Variants in RHCE observed in about 807,000 individuals in gnomAD.
RHCE encodes Rh blood group CcEe antigens.
Under a neutral mutation model 43.8 loss-of-function variants are expected in RHCE, and 22 were observed. The ratio of observed to expected loss-of-function variants is 0.50; its 90% CI spans 0.36 to 0.72. The LOEUF is 0.72. RHCE is among the 30% of genes least tolerant of loss of function. The pLI, the probability that RHCE is intolerant of heterozygous loss-of-function variation, is 0.00. For missense variants in RHCE, 385 were observed against 525.4 expected, an observed-to-expected ratio of 0.73 and a Z score of 2.61; for synonymous variants, 156 against 210.7, an observed-to-expected ratio of 0.74 and a Z score of 2.25.
intron 7 of RHCE, among the ~76,000 whole-genome samples, chr1:25,378,332 A>G (rs1186005924): frequency 1.3e-5 from 2 of 152,242 alleles, no homozygotes; most frequent in Non-Finnish European, 2.9e-5. Context: ...ACAGAAGTGC[A>G]TTCGTGTGCT....
upstream of RHCE, among the ~76,000 whole-genome samples, chr1:25,424,239 T>G (rs1000081734): frequency 2.6e-4 from 39 of 152,220 alleles, no homozygotes; most frequent in African/African-American, 8.0e-4. Flanking sequence ...ATTTTTGACT[T>G]ACAATATTTC....
chr1:25,393,687 C>A (rs1646451103), intron 3 of RHCE, among the ~76,000 whole-genome samples: 1 of 151,886 alleles, frequency 6.6e-6, no homozygotes, highest in African/African-American at 2.4e-5. Context: ...TCCAGCGGCT[C>A]CCATGTCACT....
chr1:25,382,931 T>A (rs373097631), intron 7 of RHCE, among the ~76,000 whole-genome samples: 175 of 152,294 alleles, frequency 1.1e-3, no homozygotes, highest in African/African-American at 3.9e-3. Flanking sequence ...AAGAAAACTG[T>A]GTTACTAGCT....
intron 7 of RHCE, chr1:25,385,360 G>A (rs185172257): frequency 7.5e-5 from 29 of 387,296 alleles, no homozygotes; most frequent in African/African-American, 3.3e-4. Context: ...CAGCTAGTAC[G>A]CAGTGGGAGC....
At chr1:25,409,266 CT>C (rs1647002477) in intron 1 of RHCE, among the ~76,000 whole-genome samples, 1 of 124,152 alleles carries the variant, frequency 8.1e-6, no homozygotes, top group African/African-American at 2.5e-5. Flanking sequence ...GGCCAACCCC[CT>C]GGCTGGGCAC....
Position 25,410,804 on chromosome 1 carries a change from A to C in RHCE, c.149-1935T>G, listed in dbSNP as rs555562804. 4.3e-4 allele frequency among the ~76,000 whole-genome samples: 66 copies of C among 152,210 alleles called. 1 individual carries two copies. In the South Asian group the frequency reaches 0.014, roughly 32 times the overall value. The stretch of plus-strand genomic sequence containing the variant: ...ATTTCCTATTAGATTAAACCTCACT[A>C]AATTGCCACCAGTTGACTCTTTTGG... On this transcript the variant is annotated intron_variant, in intron 1 of 9. Coordinates refer to ENST00000294413, the MANE Select transcript of RHCE (RefSeq NM_020485.8).
chr1:25,373,825 A>G (rs184195870), intron 8 of RHCE, among the ~76,000 whole-genome samples: 2 of 149,480 alleles, frequency 1.3e-5, no homozygotes, highest in African/African-American at 4.9e-5. Flanking sequence ...GATGGAATGT[A>G]TATTTTCTTT....
chr1:25,397,790 A>G lies in RHCE; in HGVS notation c.486+4806T>C, dbSNP rs1226572165. On this transcript the variant is annotated intron_variant, in intron 3 of 9. Transcript: ENST00000294413. Reference sequence around the variant, plus strand: ...TCTGCCACCCACTGTCAAGCCTTAGACCTTGTCATTACCAGTAACTGTTGC... The same window carrying G: ...TCTGCCACCCACTGTCAAGCCTTAGGCCTTGTCATTACCAGTAACTGTTGC... 3.4e-5 allele frequency among the ~76,000 whole-genome samples: 5 copies of G among 147,206 alleles called. No individual in the cohort carries two copies. In the South Asian group the frequency reaches 1.1e-3, roughly 33 times the overall value.
intron 3 of RHCE, among the ~76,000 whole-genome samples, chr1:25,401,024 G>C (rs1375781634): frequency 6.6e-6 from 1 of 152,042 alleles, no homozygotes; most frequent in African/African-American, 2.4e-5. Flanking sequence ...TTCCTCTCTT[G>C]CCCCTTCAGT....
chr1:25,386,196 T>C (rs1370042665), intron 6 of RHCE, among the ~76,000 whole-genome samples: 1 of 152,194 alleles, frequency 6.6e-6, no homozygotes, highest in Non-Finnish European at 1.5e-5. Context: ...CCCTGTGCAC[T>C]GTAGGATGTT....
At chr1:25,374,582 C>T (rs1645728796) in intron 8 of RHCE, among the ~76,000 whole-genome samples, 1 of 141,866 alleles carries the variant, frequency 7.0e-6, no homozygotes, top group South Asian at 2.4e-4. Context: ...CCTTCTCACT[C>T]CATTCACACC....
At chr1:25,381,468 T>TG (rs1251251890) in intron 7 of RHCE, among the ~76,000 whole-genome samples, 36 of 151,494 alleles carry the variant, frequency 2.4e-4, no homozygotes, top group Middle Eastern at 3.4e-3. Flanking sequence ...TTTTTTTTTT[T>TG]TTTTTGAGTT....
upstream of RHCE, chr1:25,420,889 A>G: frequency 3.9e-6 from 6 of 1,553,100 alleles, no homozygotes; most frequent in Non-Finnish European, 5.2e-6. Context: ...GACACCCGCC[A>G]AAGGCCTTAT....
intron 1 of RHCE, among the ~76,000 whole-genome samples, chr1:25,411,992 G>A (rs895450912): frequency 6.6e-6 from 1 of 152,168 alleles, no homozygotes; most frequent in Non-Finnish European, 1.5e-5. Context: ...TTACAGAAGG[G>A]GACCAGAGAG....
chr1:25,390,719 A>C, intron 5 of RHCE, 30 bp downstream of exon 5: 1 of 1,613,994 alleles, frequency 6.2e-7, no homozygotes, highest in Non-Finnish European at 8.5e-7. Context: ...GTTAGACCCA[A>C]GTGCTGCCCA....
chr1:25,406,968 G>A (rs144360601), intron 2 of RHCE, among the ~76,000 whole-genome samples: 2,348 of 120,684 alleles, frequency 0.019, 300 homozygotes, highest in African/African-American at 0.055. Context: ...TGTTGTCCAG[G>A]CTGGAGTAAA....
chr1:25,402,991 A>G (rs527787743), intron 2 of RHCE, among the ~76,000 whole-genome samples: 31 of 141,144 alleles, frequency 2.2e-4, no homozygotes, highest in Non-Finnish European at 4.6e-4. Flanking sequence ...TCTGTGCCTC[A>G]GTGCCTTCAT....
chr1:25,380,627 G>T (rs1304768869), intron 7 of RHCE, among the ~76,000 whole-genome samples: 1 of 152,192 alleles, frequency 6.6e-6, no homozygotes, highest in Non-Finnish European at 1.5e-5. Context: ...TGCTGCCAAG[G>T]TTTATGACTT....
At position 25,408,552 on chromosome 1, in the gene RHCE, A is replaced by G. The variant is rs924609937; in HGVS notation, c.335+131T>C. On this transcript the variant is annotated intron_variant, in intron 2 of 9. Coordinates refer to ENST00000294413, the MANE Select transcript of RHCE (RefSeq NM_020485.8). Reference sequence around the variant, plus strand: ...AAACAATGAATAATCTTTTAGCATAAGGATGTCCTAAATATTGCACAGCAC... The same window carrying G: ...AAACAATGAATAATCTTTTAGCATAGGGATGTCCTAAATATTGCACAGCAC... The G allele has an allele frequency of 1.8e-5, 13 of 738,134 alleles. 3 individuals carry two copies. The highest frequency in any genetic ancestry group is 1.8e-4 in the African/African-American group (11 of 62,846). The allele number at this position is 738,134 out of a possible 1,614,324, so 45.7% of individuals were successfully genotyped here. A position where few individuals can be genotyped will look rare whatever the true frequency, so the allele number is the denominator to read the frequency against.
Sources: allele counts gnomAD v4.1 joint callset (sites outside exome capture counted in the v4.1 genomes callset), GRCh38; gene constraint gnomAD v4.1.1; transcripts MANE v1.5; gene names NCBI Gene and HGNC (gene_info 2026-07-23, HGNC 2026-07-21).